Variants in DHRSX observed in about 807,000 individuals in gnomAD.
DHRSX encodes the protein dehydrogenase/reductase X-linked, also known as polyprenol dehydrogenase.
A neutral mutation model predicts 34.0 loss-of-function variants in DHRSX; 31 were observed. The observed-to-expected ratio is 0.91, with a 90% confidence interval of 0.69 to 1.23. The LOEUF (loss-of-function observed/expected upper bound fraction) is 1.23. Among genes scored for constraint, DHRSX ranks in the 50% most tolerant of loss-of-function variants. The pLI is 0.00. For synonymous variants in DHRSX, 201 were observed against 183.8 expected, an observed-to-expected ratio of 1.09 and a Z score of -0.76; for missense variants, 414 against 428.1, an observed-to-expected ratio of 0.97 and a Z score of 0.29.
intron 3 of DHRSX, among the ~76,000 whole-genome samples, chrX:2,350,476 C>T (rs1026762114): frequency 6.6e-6 from 1 of 152,086 alleles, no homozygotes; most frequent in African/African-American, 2.4e-5. Flanking sequence ...ATACACCAGA[C>T]ACAGAGAGAC....
Position 2,249,680 on chromosome X carries a change from C to T in DHRSX, c.597-6450G>A, listed in dbSNP as rs182771424. 6.6e-5 allele frequency among the ~76,000 whole-genome samples: 10 copies of T among 151,574 alleles called. 1 individual carries two copies. The highest frequency in any genetic ancestry group is 6.3e-4 in the South Asian group (3 of 4,792). On this transcript the variant is annotated intron_variant, in intron 5 of 6. Transcript: ENST00000334651. ...CTGGGACTACAGGCGCCTACCATCA[C>T]GCCCAGCTAATTTTTGTATTTGCAG...
chrX:2,495,136 C>CTAT (rs199925971), intron 1 of DHRSX, among the ~76,000 whole-genome samples: 5 of 149,616 alleles, frequency 3.3e-5, no homozygotes, highest in Admixed American at 6.7e-5. Flanking sequence ...ATCATTATTA[C>CTAT]TATTATTATT....
intron 1 of DHRSX, among the ~76,000 whole-genome samples, chrX:2,440,344 G>C (rs1053542093): frequency 1.0e-3 from 155 of 151,672 alleles, no homozygotes; most frequent in African/African-American, 3.5e-3. Context: ...GGGACTACAG[G>C]TGTGCACCAG....
chrX:2,333,334 T>C (rs66972331), intron 3 of DHRSX, among the ~76,000 whole-genome samples: 46,331 of 152,022 alleles, frequency 0.3, 9,315 homozygotes, highest in African/African-American at 0.57. Flanking sequence ...GAGGAGTCCA[T>C]GTGCAGGTTT....
intron 1 of DHRSX, chrX:2,488,366 G>C (rs1412395009): frequency 2.5e-5 from 11 of 432,754 alleles, no homozygotes; most frequent in Non-Finnish European, 4.0e-5. Flanking sequence ...GTAGAGACGG[G>C]GTTTCGCCAT....
intron 1 of DHRSX, among the ~76,000 whole-genome samples, chrX:2,455,256 G>A (rs921849232): frequency 6.6e-6 from 1 of 151,910 alleles, no homozygotes; most frequent in African/African-American, 2.4e-5. Context: ...GGGTACCCGT[G>A]GATATAAAGA....
At chrX:2,375,802 T>C (rs2043134526) in intron 3 of DHRSX, among the ~76,000 whole-genome samples, 1 of 135,884 alleles carries the variant, frequency 7.4e-6, no homozygotes, top group African/African-American at 2.5e-5. Flanking sequence ...CTGGCTAATT[T>C]TTGTATTTTT....
chrX:2,301,788 G>A lies in DHRSX; in HGVS notation c.287-10185C>T, dbSNP rs533110039. Among the ~76,000 whole-genome samples, 145 of 152,134 alleles carry A rather than the reference G, an allele frequency of 9.5e-4. 1 individual carries two copies. Among genetic ancestry groups the A allele is most frequent in the African/African-American group, 3.2e-3 (132 of 41,518 alleles). The stretch of plus-strand genomic sequence containing the variant: ...TGAGTAGCTGGGACTACAGGCACCC[G>A]CCACCACGCCTGGCTAATTTTTGTG... On this transcript the variant is annotated intron_variant, in intron 3 of 6. Coordinates refer to ENST00000334651, the MANE Select transcript of DHRSX (RefSeq NM_145177.3).
chrX:2,357,143 C>G (rs1037559512), intron 3 of DHRSX, among the ~76,000 whole-genome samples: 2 of 152,138 alleles, frequency 1.3e-5, no homozygotes, highest in African/African-American at 4.8e-5. Flanking sequence ...ACTCAGGAGG[C>G]TGAGGCAGGA....
intron 3 of DHRSX, among the ~76,000 whole-genome samples, chrX:2,356,943 G>A (rs2042860977): frequency 6.6e-6 from 1 of 152,062 alleles, no homozygotes; most frequent in South Asian, 2.1e-4. Context: ...AGTTTTTGGA[G>A]AATCAAAAGG....
chrX:2,317,920 A>C (rs907167885), intron 3 of DHRSX, among the ~76,000 whole-genome samples: 2 of 152,140 alleles, frequency 1.3e-5, no homozygotes, highest in Non-Finnish European at 2.9e-5. Flanking sequence ...TGTCAGGGAG[A>C]AATTCAACAG....
chrX:2,479,085 C>T (rs926083527), intron 1 of DHRSX, among the ~76,000 whole-genome samples: 2 of 150,870 alleles, frequency 1.3e-5, no homozygotes, highest in African/African-American at 2.4e-5. Context: ...GTTCCCTAAG[C>T]TTGTGGCTAA....
intron 3 of DHRSX, among the ~76,000 whole-genome samples, chrX:2,354,065 C>T (rs2042819448): frequency 6.6e-6 from 1 of 152,076 alleles, no homozygotes. Context: ...AGACACAGGG[C>T]CTCGCCTGAG....
At chrX:2,301,702 G>A (rs1252638930) in intron 3 of DHRSX, among the ~76,000 whole-genome samples, 6 of 152,092 alleles carry the variant, frequency 3.9e-5, no homozygotes, top group South Asian at 2.1e-4. Flanking sequence ...GCGGTGGTGC[G>A]ATCTCGGCTC....
At chrX:2,249,956 G>A (rs1172461911) in intron 5 of DHRSX, among the ~76,000 whole-genome samples, 2 of 151,784 alleles carry the variant, frequency 1.3e-5, no homozygotes, top group Non-Finnish European at 2.9e-5. Flanking sequence ...GAGGTCAGGA[G>A]ATCGAGACCA....
intron 1 of DHRSX, among the ~76,000 whole-genome samples, chrX:2,468,430 G>A (rs547369242): frequency 2.3e-4 from 34 of 147,304 alleles, no homozygotes; most frequent in African/African-American, 7.4e-4. Flanking sequence ...TACCACATAA[G>A]AGTCAGAGAC....
chrX:2,309,512 C>A (rs1345770331), intron 3 of DHRSX, among the ~76,000 whole-genome samples: 1 of 152,040 alleles, frequency 6.6e-6, no homozygotes, highest in African/African-American at 2.4e-5. Context: ...GCTGTCCATT[C>A]TGAAATATTA....
chrX:2,284,414 GAA>G (rs2041779255), intron 4 of DHRSX, among the ~76,000 whole-genome samples: 1 of 151,590 alleles, frequency 6.6e-6, no homozygotes, highest in African/African-American at 2.4e-5. Context: ...TTGAATGAAT[GAA>G]TGAATGAATG....
At chrX:2,385,658 C>G (rs1360551597) in intron 3 of DHRSX, among the ~76,000 whole-genome samples, 1 of 152,172 alleles carries the variant, frequency 6.6e-6, no homozygotes, top group Admixed American at 6.5e-5. Context: ...AAATGCTTCC[C>G]TGTTACCTAA....
Sources: gnomAD v4.1 joint callset for allele counts (sites outside exome capture counted in the v4.1 genomes callset) on GRCh38, gnomAD v4.1.1 for gene constraint, MANE v1.5 for transcripts, NCBI Gene and HGNC (gene_info 2026-07-23, HGNC 2026-07-21) for gene names.